The following QSER1 variants were observed in gnomAD, a reference collection of about 807,000 sequenced individuals.
The protein encoded by QSER1 is glutamine and serine rich 1, also known as glutamine and serine-rich protein 1.
In QSER1, 49 loss-of-function variants were observed where a neutral mutation model predicts 158.5. The observed-to-expected ratio is 0.31, with a 90% CI of 0.25 to 0.39. The LOEUF is 0.39. Among genes scored for constraint, QSER1 ranks in the 10% least tolerant of loss-of-function variants. The probability of loss-of-function intolerance (pLI) is 1.00; values close to 1 mark genes in which losing one functional copy is unlikely to be tolerated. For missense variants in QSER1, 1,754 were observed against 2,010.3 expected (o/e 0.87, Z 2.44); for synonymous variants, 650 against 715.5 (o/e 0.91, Z 1.46).
chr11:32,901,273 T>C (rs1430269197), intron 1 of QSER1, among the ~76,000 whole-genome samples: 17 of 152,196 alleles, frequency 1.1e-4, no homozygotes, highest in Non-Finnish European at 2.9e-5. Context: ...GATTATTAAC[T>C]TTATTGTCAG....
chr11:32,932,155 C>T lies in QSER1; in HGVS notation c.897C>T (p.Leu299=). The part of the protein sequence containing the change: ...QQTPQAYSST[L]FTSSTASIER... ...CTCCTCAAGCCTACAGTTCAACTCT[C>T]TTTACTAGTTCTACTGCTTCCATTG... The change falls in exon 4 of 13, where the codon CTC becomes CTT. Residue 299 remains leucine, a synonymous_variant. Transcript: ENST00000650167. 6.2e-7 allele frequency: 1 copy of T among 1,614,194 alleles called. No individual in the cohort carries two copies.
chr11:32,964,783 TAC>T (rs1203469328), intron 8 of QSER1, among the ~76,000 whole-genome samples: 1 of 107,154 alleles, frequency 9.3e-6, no homozygotes, highest in Non-Finnish European at 2.0e-5. Flanking sequence ...CACACACACA[TAC>T]ACACACATAA....
chr11:32,935,013 A>G lies in QSER1; in HGVS notation c.3755A>G (p.Asp1252Gly). 1 of 1,614,162 alleles carries G rather than the reference A, an allele frequency of 6.2e-7. No individual in the cohort carries two copies. The highest frequency in any genetic ancestry group is 8.5e-7 in the Non-Finnish European group (1 of 1,180,006). ...YTPPSSESCHDGYQHQEKMRQ... is the reference protein window; with the variant it reads ...YTPPSSESCHGGYQHQEKMRQ... Reference sequence around the variant, plus strand: ...CCTCCTTCCTCAGAAAGCTGCCATGATGGTTATCAGCATCAAGAAAAAATG... The same window carrying G: ...CCTCCTTCCTCAGAAAGCTGCCATGGTGGTTATCAGCATCAAGAAAAAATG... The change falls in exon 4 of 13, where the codon GAT (aspartate) becomes GGT (glycine). Residue 1252 changes from aspartate to glycine, a missense_variant. Asp to Gly is a moderately conservative substitution (Grantham distance 94). Transcript: ENST00000650167.
intron 5 of QSER1, 28 bp downstream of exon 5, chr11:32,954,207 G>A: frequency 1.9e-6 from 3 of 1,589,432 alleles, no homozygotes; most frequent in Non-Finnish European, 2.6e-6. Context: ...CAGTGTAAAG[G>A]TCATAGTTTA....
chr11:32,948,031 AG>A (rs1852364146), intron 4 of QSER1, among the ~76,000 whole-genome samples: 1 of 152,252 alleles, frequency 6.6e-6, no homozygotes, highest in South Asian at 2.1e-4. Flanking sequence ...AAACTTCCAC[AG>A]ATTTGAAAAT....
intron 4 of QSER1, among the ~76,000 whole-genome samples, chr11:32,947,968 G>A (rs542136055): frequency 1.3e-4 from 20 of 151,190 alleles, no homozygotes; most frequent in African/African-American, 3.4e-4. Flanking sequence ...TTTTTCTTGC[G>A]AAATACAACC....
chr11:32,961,455 C>T (rs1852623173), intron 8 of QSER1, among the ~76,000 whole-genome samples: 1 of 152,062 alleles, frequency 6.6e-6, no homozygotes, highest in Admixed American at 6.5e-5. Flanking sequence ...TAATTTTTTT[C>T]ACACTTTAAA....
chr11:32,973,595 T>G, intron 11 of QSER1, 46 bp downstream of exon 11: 1 of 1,482,504 alleles, frequency 6.7e-7, no homozygotes, highest in Non-Finnish European at 9.2e-7. Flanking sequence ...TTCCAATTGT[T>G]AATACAATTC....
At chr11:32,971,457 G>T (rs1852855031) in intron 10 of QSER1, among the ~76,000 whole-genome samples, 2 of 152,110 alleles carry the variant, frequency 1.3e-5, no homozygotes, top group Admixed American at 6.5e-5. Context: ...TCATTGGAAA[G>T]ATTTAAATTT....
intron 1 of QSER1, among the ~76,000 whole-genome samples, chr11:32,922,775 A>G (rs1388002507): frequency 1.3e-5 from 2 of 151,106 alleles, no homozygotes; most frequent in African/African-American, 4.9e-5. Flanking sequence ...GTGAGCCACC[A>G]TGCCCGGCCT....
intron 2 of QSER1, 21 bp from the exon 3 acceptor site, chr11:32,927,930 TACTTTGGGATA>T: frequency 3.5e-6 from 2 of 568,650 alleles, no homozygotes; most frequent in East Asian, 3.1e-5. Flanking sequence ...TTTTTTTTTT[TACTTTGGGATA>T]TATTTTATCT....
chr11:32,976,432 A>T lies in QSER1; in HGVS notation c.5553A>T (p.Lys1851Asn). 1.2e-6 allele frequency: 2 copies of T among 1,610,020 alleles called. No individual in the cohort carries two copies. Among genetic ancestry groups the T allele is most frequent in the Non-Finnish European group, 1.7e-6 (2 of 1,178,810 alleles). Residue 1851 changes from lysine to asparagine, a missense_variant, in exon 13 of 13, where the codon AAA becomes AAT. This residue lies in a region of QSER1 where 47 missense variants were observed against 90.7 expected (regional missense o/e 0.52). Transcript: ENST00000650167. ...NVKWVEDLFE[K>N]FGELLNHVQQ... is the part of the protein sequence containing the mutation. ...AATGGGTGGAGGACCTCTTTGAAAAATTTGGAGAACTTCTAAATCATGTAC... is the reference window on the plus strand; with the variant it reads ...AATGGGTGGAGGACCTCTTTGAAAATTTTGGAGAACTTCTAAATCATGTAC...
chr11:32,917,834 A>AAC (rs1851853737), intron 1 of QSER1, among the ~76,000 whole-genome samples: 1 of 151,422 alleles, frequency 6.6e-6, no homozygotes, highest in Non-Finnish European at 1.5e-5. Context: ...AAAAAAAAAA[A>AAC]AAAAAAAAAA....
chr11:32,934,664 T>C lies in QSER1; in HGVS notation c.3406T>C (p.Phe1136Leu). The C allele has an allele frequency of 6.2e-7, 1 of 1,613,620 alleles. No individual in the cohort carries two copies. Among genetic ancestry groups the C allele is most frequent in the Non-Finnish European group, 8.5e-7 (1 of 1,179,902 alleles). The change falls in exon 4 of 13, where the codon TTT (phenylalanine) becomes CTT (leucine). Residue 1136 changes from phenylalanine to leucine, a missense_variant. Coordinates refer to ENST00000650167, the MANE Select transcript of QSER1 (RefSeq NM_001076786.3). The part of the protein sequence containing the change: ...STLNNNRNQE[F>L]VSSSRSISGE... ...ATTAAATAATAACAGAAACCAAGAG[T>C]TTGTTTCTAGTAGTAGAAGTATAAG...
At position 32,918,576 on chromosome 11, in the gene QSER1, A is replaced by C. The variant is rs564270982; in HGVS notation, c.210-8581A>C. On this transcript the variant is annotated intron_variant, in intron 1 of 12. Coordinates refer to ENST00000650167, the MANE Select transcript of QSER1 (RefSeq NM_001076786.3). ...AGCAACTAGATCATGTAGTGCCTTGAGAACTTTGTAAGAAGTTGTGGCTCT... is the reference window on the plus strand; with the variant it reads ...AGCAACTAGATCATGTAGTGCCTTGCGAACTTTGTAAGAAGTTGTGGCTCT... Among the ~76,000 whole-genome samples the C allele has an allele frequency of 5.3e-5, 8 of 150,844 alleles. No individual in the cohort carries two copies. In the East Asian group the frequency reaches 1.5e-3, roughly 29 times the overall value.
intron 1 of QSER1, among the ~76,000 whole-genome samples, chr11:32,917,837 A>AC (rs1851854009): frequency 6.7e-6 from 1 of 150,112 alleles, no homozygotes; most frequent in Non-Finnish European, 1.5e-5. Context: ...AAAAAAAAAA[A>AC]AAAAAAACCA....
At chr11:32,963,553 A>G (rs373396554) in intron 8 of QSER1, among the ~76,000 whole-genome samples, 5 of 151,908 alleles carry the variant, frequency 3.3e-5, no homozygotes, top group Admixed American at 6.6e-5. Context: ...GGGTTTCACT[A>G]TGTTGGCCAG....
chr11:32,957,946 C>T lies in QSER1; in HGVS notation c.4829C>T (p.Pro1610Leu), dbSNP rs780837891. Residue 1610 changes from proline (P) to leucine (L), a missense_variant, in exon 8 of 13, where the codon CCT (proline) becomes CTT (leucine). Pro to Leu is a moderately conservative substitution (Grantham distance 98, BLOSUM62 -3). Transcript: ENST00000650167. ...TCAAAAACTACAACTACAAAAGCCC[C>T]TTCCGTGAAACCCAAAGTTAAACAG... is the stretch of plus-strand genomic sequence containing the variant. ...LASKTTTTKAPSVKPKVKQPK... is the reference protein window; with the variant it reads ...LASKTTTTKALSVKPKVKQPK... The T allele has an allele frequency of 2.3e-5, 37 of 1,614,000 alleles. No homozygotes were observed. The South Asian group carries it at 3.7e-4, about 16-fold the overall frequency.
At position 32,976,508 on chromosome 11, in the gene QSER1, T is replaced by G. The variant is rs1852980876; in HGVS notation, c.*34T>G. On this transcript the variant is annotated 3_prime_UTR_variant, in exon 13 of 13. Transcript: ENST00000650167. ...CAAAAATCCCATCTTTTTATAGCACTAATGAAATGGCAGATATGGGGTGGT... is the reference window on the plus strand; with the variant it reads ...CAAAAATCCCATCTTTTTATAGCACGAATGAAATGGCAGATATGGGGTGGT... The G allele has an allele frequency of 6.2e-7, 1 of 1,605,918 alleles. No individual in the cohort carries two copies. Among genetic ancestry groups the G allele is most frequent in the Admixed American group, 1.7e-5 (1 of 58,926 alleles).
Sources: gnomAD v4.1 joint callset for allele counts (sites outside exome capture counted in the v4.1 genomes callset) on GRCh38, gnomAD v4.1.1 for gene constraint, gnomAD v4.1.1 regional missense constraint, MANE v1.5 for transcripts, NCBI Gene and HGNC (gene_info 2026-07-23, HGNC 2026-07-21) for gene names.